LURAP1: variants seen among roughly 807,000 people sequenced by gnomAD.
LURAP1 encodes the protein NF-kappa-B activator C1orf190.
Under a neutral mutation model 19.0 loss-of-function variants are expected in LURAP1, and 14 were observed. The ratio of observed to expected loss-of-function variants is 0.74; its 90% confidence interval spans 0.49 to 1.15. The LOEUF (loss-of-function observed/expected upper bound fraction) is 1.15, where lower values mean the gene tolerates loss of function less well. Ranked by LOEUF, LURAP1 falls within the 50% of genes most tolerant of loss-of-function variation. The pLI is 0.00. For synonymous variants in LURAP1, 129 were observed against 131.8 expected, an observed-to-expected ratio of 0.98 and a Z score of 0.14; for missense variants, 273 against 309.1, an observed-to-expected ratio of 0.88 and a Z score of 0.87.
chr1:46,214,042 T>A (rs1382284068), intron 1 of LURAP1, among the ~76,000 whole-genome samples: 6 of 151,850 alleles, frequency 4.0e-5, no homozygotes, highest in Non-Finnish European at 7.4e-5. Flanking sequence ...TAGACCTAAA[T>A]AAATAGGAAA....
chr1:46,219,954 G>T lies in LURAP1; in HGVS notation c.454G>T (p.Ala152Ser). 3 of 1,614,268 alleles carry T rather than the reference G, an allele frequency of 1.9e-6. No homozygotes were observed. The highest frequency in any genetic ancestry group is 1.7e-6 in the Non-Finnish European group (2 of 1,180,048). Reference protein sequence around the residue: ...VSIGSFLDTVAPSELDEQGPP... With the variant: ...VSIGSFLDTVSPSELDEQGPP... ...TATTGGCAGCTTCCTGGACACAGTGGCCCCCAGCGAGCTGGATGAACAGGG... is the reference window on the plus strand; with the variant it reads ...TATTGGCAGCTTCCTGGACACAGTGTCCCCCAGCGAGCTGGATGAACAGGG... The change falls in exon 2 of 2, where the codon GCC becomes TCC. Residue 152 changes from alanine (A) to serine (S), a missense_variant. Coordinates refer to ENST00000371980, the MANE Select transcript of LURAP1 (RefSeq NM_001013615.3).
Position 46,220,134 on chromosome 1 carries a change from G to C in LURAP1, c.634G>C (p.Glu212Gln), listed in dbSNP as rs1477375974. 2 of 1,614,200 alleles carry C rather than the reference G, an allele frequency of 1.2e-6. No homozygotes were observed. Among genetic ancestry groups the C allele is most frequent in the Non-Finnish European group, 1.7e-6 (2 of 1,180,046 alleles). Residue 212 changes from glutamate (E) to glutamine (Q), a missense_variant, in exon 2 of 2, where the codon GAG becomes CAG. Glu to Gln is a conservative substitution (Grantham distance 29). Coordinates refer to ENST00000371980, the MANE Select transcript of LURAP1 (RefSeq NM_001013615.3). Reference protein sequence around the residue: ...PGERLQGGPPESPEDESAKLG... With the variant: ...PGERLQGGPPQSPEDESAKLG... Reference sequence around the variant, plus strand: ...GGAGAGGCTTCAAGGTGGACCACCTGAGTCACCAGAGGATGAGAGTGCCAA... The same window carrying C: ...GGAGAGGCTTCAAGGTGGACCACCTCAGTCACCAGAGGATGAGAGTGCCAA...
At chr1:46,215,257 G>GA (rs1262880097) in intron 1 of LURAP1, among the ~76,000 whole-genome samples, 1 of 148,866 alleles carries the variant, frequency 6.7e-6, no homozygotes, top group Non-Finnish European at 1.5e-5. Context: ...ATGCAAGAGT[G>GA]AAAAAAACAA....
Position 46,203,487 on chromosome 1 carries a change from A to C in LURAP1, c.61A>C (p.Arg21=). The part of the protein sequence containing the change: ...DLRDVEGKVG[R]KTPEGLLRGL... Reference sequence around the variant, plus strand: ...GCGGGATGTGGAGGGTAAGGTGGGCAGGAAGACCCCTGAAGGGCTGCTCCG... The same window carrying C: ...GCGGGATGTGGAGGGTAAGGTGGGCCGGAAGACCCCTGAAGGGCTGCTCCG... The change falls in exon 1 of 2, where the codon AGG becomes CGG. Residue 21 remains arginine, a synonymous_variant. Transcript: ENST00000371980. 6.5e-7 allele frequency: 1 copy of C among 1,534,018 alleles called. No homozygotes were observed. Among genetic ancestry groups the C allele is most frequent in the Non-Finnish European group, 8.8e-7 (1 of 1,141,770 alleles).
In LURAP1 at chr1:46,203,535, C is replaced by A; in HGVS notation, c.109C>A (p.Leu37Met). The A allele has an allele frequency of 6.4e-7, 1 of 1,566,836 alleles. No homozygotes were observed. The highest frequency in any genetic ancestry group is 8.6e-7 in the Non-Finnish European group (1 of 1,159,102). Residue 37 changes from leucine to methionine, a missense_variant, in exon 1 of 2, where the codon CTG (leucine) becomes ATG (methionine). Coordinates refer to ENST00000371980, the MANE Select transcript of LURAP1 (RefSeq NM_001013615.3). ...CCGCGGGCTGCGAGGCGAGTGTGAG[C>A]TGGGAACCTCTGGCGCCCTGCTGCT... ...LLRGLRGECE[L>M]GTSGALLLPG...
intron 1 of LURAP1, among the ~76,000 whole-genome samples, chr1:46,209,810 TGTA>T (rs1658838718): frequency 6.6e-6 from 1 of 151,772 alleles, no homozygotes; most frequent in South Asian, 2.1e-4. Flanking sequence ...CATGCACGGC[TGTA>T]GATGTAAATT....
At chr1:46,218,703 C>T (rs1234308300) in intron 1 of LURAP1, among the ~76,000 whole-genome samples, 2 of 152,152 alleles carry the variant, frequency 1.3e-5, no homozygotes, top group East Asian at 1.9e-4. Flanking sequence ...TGAGCTGGAA[C>T]GGACGCTTGA....
In LURAP1 at chr1:46,203,415, G is replaced by A; in HGVS notation, c.-12G>A. 6.9e-7 allele frequency: 1 copy of A among 1,450,044 alleles called. No individual in the cohort carries two copies. The highest frequency in any genetic ancestry group is 9.1e-7 in the Non-Finnish European group (1 of 1,099,492). The allele number at this position is 1,450,044 out of a possible 1,614,324, so 89.8% of individuals were successfully genotyped here. ...CGTCCGGTCGCCCAGCCCTTTTCAGGCTTGGGCCCGCATGGAGGGGACCGT... is the reference window on the plus strand; with the variant it reads ...CGTCCGGTCGCCCAGCCCTTTTCAGACTTGGGCCCGCATGGAGGGGACCGT... On this transcript the variant is annotated 5_prime_UTR_variant, in exon 1 of 2. Transcript: ENST00000371980.
At chr1:46,217,862 A>C (rs1250339204) in intron 1 of LURAP1, among the ~76,000 whole-genome samples, 1 of 152,180 alleles carries the variant, frequency 6.6e-6, no homozygotes, top group African/African-American at 2.4e-5. Flanking sequence ...TGTCTCAAAA[A>C]AGAAAAAAGA....
chr1:46,212,110 G>A (rs1225382460), intron 1 of LURAP1, among the ~76,000 whole-genome samples: 1 of 152,116 alleles, frequency 6.6e-6, no homozygotes, highest in Non-Finnish European at 1.5e-5. Context: ...TATCATAGAT[G>A]TGAATAAAGC....
At chr1:46,216,311 G>A (rs1659067304) in intron 1 of LURAP1, among the ~76,000 whole-genome samples, 1 of 151,830 alleles carries the variant, frequency 6.6e-6, no homozygotes, top group Admixed American at 6.6e-5. Context: ...CTCCCAAAGT[G>A]CTGGGATTAC....
Position 46,203,389 on chromosome 1 carries a change from G to A in LURAP1, c.-38G>A. On this transcript the variant is annotated 5_prime_UTR_variant, in exon 1 of 2. Transcript: ENST00000371980. ...GAGGACCCCCGGGAGCCGGTCCCCG[G>A]CGTCCGGTCGCCCAGCCCTTTTCAG... The A allele has an allele frequency of 7.0e-7, 1 of 1,433,674 alleles. No homozygotes were observed. Among genetic ancestry groups the A allele is most frequent in the Non-Finnish European group, 9.2e-7 (1 of 1,090,038 alleles). The allele number at this position is 1,433,674 out of a possible 1,614,324, so 88.8% of individuals were successfully genotyped here. A position where few individuals can be genotyped will look rare whatever the true frequency, so the allele number is the denominator to read the frequency against.
Position 46,220,151 on chromosome 1 carries a change from G to C in LURAP1, c.651G>C (p.Glu217Asp). 1 of 1,614,182 alleles carries C rather than the reference G, an allele frequency of 6.2e-7. No individual in the cohort carries two copies. Among genetic ancestry groups the C allele is most frequent in the Non-Finnish European group, 8.5e-7 (1 of 1,180,032 alleles). The stretch of plus-strand genomic sequence containing the variant: ...GACCACCTGAGTCACCAGAGGATGA[G>C]AGTGCCAAGCTGGGCTTCGAGGCCC... ...QGGPPESPEDESAKLGFEAHW... is the reference protein window; with the variant it reads ...QGGPPESPEDDSAKLGFEAHW... The change falls in exon 2 of 2, where the codon GAG (glutamate) becomes GAC (aspartate). Residue 217 changes from glutamate (E) to aspartate (D), a missense_variant. By Grantham distance (45) the Glu-to-Asp change is conservative. Transcript: ENST00000371980.
intron 1 of LURAP1, among the ~76,000 whole-genome samples, chr1:46,207,875 T>C (rs1272363455): frequency 6.6e-6 from 1 of 151,176 alleles, no homozygotes. Context: ...TTATTATCAT[T>C]ATTTTTTTTG....
chr1:46,206,029 A>C (rs749604992), intron 1 of LURAP1, among the ~76,000 whole-genome samples: 1 of 152,154 alleles, frequency 6.6e-6, no homozygotes, highest in Non-Finnish European at 1.5e-5. Context: ...CCTCCATTCA[A>C]AGGTTGAGTG....
At chr1:46,217,593 C>T (rs1002810820) in intron 1 of LURAP1, among the ~76,000 whole-genome samples, 1 of 152,014 alleles carries the variant, frequency 6.6e-6, no homozygotes, top group Admixed American at 6.6e-5. Flanking sequence ...TGGTGGTTCA[C>T]GCCTTGTAAT....
At chr1:46,203,692 C>G (rs893287922) in intron 1 of LURAP1, 68 bp downstream of exon 1, 1 of 1,466,432 alleles carries the variant, frequency 6.8e-7, no homozygotes, top group East Asian at 2.5e-5. Context: ...CGAACTCATG[C>G]TCCCAGAGTT....
chr1:46,219,743 G>A lies in LURAP1; in HGVS notation c.243G>A (p.Val81=), dbSNP rs1183335103. 2 of 1,610,534 alleles carry A rather than the reference G, an allele frequency of 1.2e-6. No homozygotes were observed. Among genetic ancestry groups the A allele is most frequent in the Admixed American group, 1.7e-5 (1 of 59,542 alleles). The change falls in exon 2 of 2, where the codon GTG becomes GTA. Residue 81 remains valine, a synonymous_variant. Transcript: ENST00000371980. ...AIDVKILQQL[V]TLNEGIEAVR... ...ATGTGAAGATCCTGCAGCAGCTGGTGACCTTGAATGAGGGCATCGAGGCAG... is the reference window on the plus strand; with the variant it reads ...ATGTGAAGATCCTGCAGCAGCTGGTAACCTTGAATGAGGGCATCGAGGCAG...
At chr1:46,211,911 G>A (rs139751456) in intron 1 of LURAP1, among the ~76,000 whole-genome samples, 11 of 152,008 alleles carry the variant, frequency 7.2e-5, no homozygotes, top group Admixed American at 4.6e-4. Context: ...ACAGGCGTGC[G>A]CCACAACGCC....
Sources: allele counts gnomAD v4.1 joint callset (sites outside exome capture counted in the v4.1 genomes callset), GRCh38; gene constraint gnomAD v4.1.1; transcripts MANE v1.5; gene names NCBI Gene and HGNC (gene_info 2026-07-23, HGNC 2026-07-21).